Variants in RBFOX1 observed in about 807,000 individuals in gnomAD.
RBFOX1 encodes the protein RNA binding protein fox-1 homolog 1.
Under a neutral mutation model 57.7 loss-of-function variants are expected in RBFOX1, and 8 were observed. That is an observed-to-expected ratio of 0.14 (90% confidence interval 0.08 to 0.25). The LOEUF (loss-of-function observed/expected upper bound fraction) is 0.25, where lower values mean the gene tolerates loss of function less well. Ranked by LOEUF, RBFOX1 falls within the 10% of genes least tolerant of loss-of-function variation. The probability of loss-of-function intolerance (pLI) is 1.00; values close to 1 mark genes in which losing one functional copy is unlikely to be tolerated. For synonymous variants in RBFOX1, 326 were observed against 222.4 expected (o/e 1.47, Z -4.15); for missense variants, 611 against 548.5 (o/e 1.11, Z -1.14).
chr16:6,042,778 A>T (rs2095452206), intron 1 of RBFOX1, among the ~76,000 whole-genome samples: 1 of 152,188 alleles, frequency 6.6e-6, no homozygotes, highest in East Asian at 1.9e-4. Flanking sequence ...AAAGGTATAC[A>T]TTGGTTCAGC....
intron 4 of RBFOX1, among the ~76,000 whole-genome samples, chr16:7,125,540 A>G (rs1441066879): frequency 6.6e-6 from 1 of 152,166 alleles, no homozygotes; most frequent in African/African-American, 2.4e-5. Context: ...ACATTTTTTG[A>G]TAACTTATGA....
rs761820657 is a variant in RBFOX1, at chr16:6,866,541, A to AATTTTTTTTTTTTT, written c.-15-185516_-15-185515insATTTTTTTTTTTTT. Among the ~76,000 whole-genome samples, 23 of 78,882 alleles carry AATTTTTTTTTTTTT rather than the reference A, an allele frequency of 2.9e-4. 1 individual carries two copies. Among genetic ancestry groups the AATTTTTTTTTTTTT allele is most frequent in the African/African-American group, 1.3e-3 (23 of 17,836 alleles). The allele number at this position is 78,882 out of a possible 152,430, so 51.7% of individuals were successfully genotyped here. A position where few individuals can be genotyped will look rare whatever the true frequency, so the allele number is the denominator to read the frequency against. On this transcript the variant is annotated intron_variant, in intron 3 of 15. Transcript: ENST00000550418. ...TAAGGTTAGGGCTTTCTTTCCTTCTATTTTTTTTTTTTTTTTTTGAGTTGG... is the reference window on the plus strand; with the variant it reads ...TAAGGTTAGGGCTTTCTTTCCTTCTAATTTTTTTTTTTTTTTTTTTTTTTTTTTTTTTGAGTTGG...
chr16:5,484,104 G>A (rs937180091), intron 2 of RBFOX1, among the ~76,000 whole-genome samples: 2 of 152,230 alleles, frequency 1.3e-5, no homozygotes, highest in Non-Finnish European at 2.9e-5. Context: ...CAAAGAGGTT[G>A]AGGCCGCAGT....
chr16:6,951,175 G>A (rs528568321), intron 3 of RBFOX1, among the ~76,000 whole-genome samples: 1 of 152,152 alleles, frequency 6.6e-6, no homozygotes, highest in East Asian at 1.9e-4. Flanking sequence ...CCAAAGTGTT[G>A]GGATTATAGG....
At chr16:6,793,733 A>G (rs968798989) in intron 3 of RBFOX1, among the ~76,000 whole-genome samples, 2 of 152,212 alleles carry the variant, frequency 1.3e-5, no homozygotes, top group African/African-American at 2.4e-5. Flanking sequence ...ATATTAAATT[A>G]AAATAACACA....
intron 4 of RBFOX1, among the ~76,000 whole-genome samples, chr16:7,187,142 T>C (rs959811517): frequency 2.0e-5 from 3 of 151,754 alleles, no homozygotes; most frequent in African/African-American, 7.3e-5. Flanking sequence ...GCACTCCAGC[T>C]TGGGCGATGG....
intron 1 of RBFOX1, among the ~76,000 whole-genome samples, chr16:6,303,986 ATTT>A (rs146917985): frequency 0.067 from 10,127 of 150,716 alleles, 561 homozygotes; most frequent in East Asian, 0.15. Context: ...TAATTTTTGT[ATTT>A]TTAGTAGAAT....
At chr16:6,921,211 A>G (rs961154620) in intron 3 of RBFOX1, among the ~76,000 whole-genome samples, 1 of 152,132 alleles carries the variant, frequency 6.6e-6, no homozygotes, top group African/African-American at 2.4e-5. Context: ...GTTACAAATT[A>G]CCCACACACA....
chr16:6,942,208 C>T (rs562210005), intron 3 of RBFOX1, among the ~76,000 whole-genome samples: 1 of 152,274 alleles, frequency 6.6e-6, no homozygotes, highest in East Asian at 1.9e-4. Flanking sequence ...CACTGTGCTC[C>T]AACCTGGGTG....
At chr16:7,165,652 C>T (rs575876544) in intron 4 of RBFOX1, among the ~76,000 whole-genome samples, 1 of 151,720 alleles carries the variant, frequency 6.6e-6, no homozygotes, top group Admixed American at 6.6e-5. Context: ...TGGTCTCAAA[C>T]TCCCGATCTC....
chr16:6,585,271 A>G (rs1365025897), intron 2 of RBFOX1, among the ~76,000 whole-genome samples: 1 of 152,190 alleles, frequency 6.6e-6, no homozygotes, highest in Non-Finnish European at 1.5e-5. Context: ...ATCGTCATGT[A>G]GGTGTGAAAC....
intron 3 of RBFOX1, among the ~76,000 whole-genome samples, chr16:6,736,968 G>T (rs1250471162): frequency 1.3e-5 from 2 of 152,292 alleles, no homozygotes; most frequent in Middle Eastern, 3.4e-3. Context: ...GCGACAGCCT[G>T]TGTGCCCTGT....
At chr16:7,486,068 T>C (rs371567087) in intron 4 of RBFOX1, among the ~76,000 whole-genome samples, 212 of 151,872 alleles carry the variant, frequency 1.4e-3, no homozygotes, top group African/African-American at 4.6e-3. Flanking sequence ...TACCACTTGG[T>C]GTGTTTGCAA....
chr16:7,374,159 A>G (rs2097638956), intron 4 of RBFOX1, among the ~76,000 whole-genome samples: 1 of 152,198 alleles, frequency 6.6e-6, no homozygotes, highest in Non-Finnish European at 1.5e-5. Context: ...CAGGGTTTGC[A>G]GATGATGTGG....
At chr16:6,815,705 A>T (rs2089920021) in intron 3 of RBFOX1, among the ~76,000 whole-genome samples, 1 of 152,176 alleles carries the variant, frequency 6.6e-6, no homozygotes, top group Admixed American at 6.5e-5. Context: ...GACAGAACAC[A>T]CACTTAACCA....
chr16:7,184,779 C>G (rs1442603874), intron 4 of RBFOX1, among the ~76,000 whole-genome samples: 1 of 152,140 alleles, frequency 6.6e-6, no homozygotes, highest in African/African-American at 2.4e-5. Context: ...AACCTTAGTT[C>G]TGAATGTTTG....
At chr16:5,920,166 C>G (rs754423872) in intron 4 of RBFOX1, among the ~76,000 whole-genome samples, 1 of 152,190 alleles carries the variant, frequency 6.6e-6, no homozygotes, top group Non-Finnish European at 1.5e-5. Flanking sequence ...GATCTCCTGA[C>G]CTTGTGATCC....
At chr16:6,926,596 C>A (rs1395069021) in intron 3 of RBFOX1, among the ~76,000 whole-genome samples, 1 of 152,190 alleles carries the variant, frequency 6.6e-6, no homozygotes, top group Non-Finnish European at 1.5e-5. Flanking sequence ...ATGCTAGTTG[C>A]ATGCTGGGGC....
intron 3 of RBFOX1, among the ~76,000 whole-genome samples, chr16:6,771,861 G>T (rs2078351063): frequency 6.6e-6 from 1 of 152,156 alleles, no homozygotes; most frequent in Non-Finnish European, 1.5e-5. Context: ...ATTACTGTCA[G>T]GCTGTGTCTT....
Sources: allele counts gnomAD v4.1 joint callset (sites outside exome capture counted in the v4.1 genomes callset), GRCh38; gene constraint gnomAD v4.1.1; transcripts MANE v1.5; gene names NCBI Gene and HGNC (gene_info 2026-07-23, HGNC 2026-07-21).